ATP13A3: variants seen among roughly 807,000 people sequenced by gnomAD.
ATP13A3 encodes ATPase 13A3.
ATP13A3 carries 59 observed loss-of-function variants against 158.1 expected under a neutral mutation model. That is an observed-to-expected ratio of 0.37 (90% CI 0.30 to 0.46). The LOEUF (loss-of-function observed/expected upper bound fraction) is 0.46, where lower values mean the gene tolerates loss of function less well. Ranked by LOEUF, ATP13A3 falls within the 20% of genes least tolerant of loss-of-function variation. The probability of loss-of-function intolerance (pLI) is 1.00; values close to 1 mark genes in which losing one functional copy is unlikely to be tolerated. For missense variants in ATP13A3, 1,166 were observed against 1,525.2 expected (o/e 0.76, Z 3.92); for synonymous variants, 491 against 504.3 (o/e 0.97, Z 0.35).
At chr3:194,471,324 TAAAAAAA>T (rs59967046) in intron 2 of ATP13A3, among the ~76,000 whole-genome samples, 5 of 88,106 alleles carry the variant, frequency 5.7e-5, no homozygotes, top group South Asian at 4.1e-4. Flanking sequence ...CAGCAAATTC[TAAAAAAA>T]AAAAAAAAAA....
At chr3:194,461,279 T>A (rs1005012572) in intron 3 of ATP13A3, among the ~76,000 whole-genome samples, 1 of 152,188 alleles carries the variant, frequency 6.6e-6, no homozygotes, top group Non-Finnish European at 1.5e-5. Flanking sequence ...GTACATCCTT[T>A]GTGCAGTTTC....
chr3:194,439,283 T>C (rs1717878611), intron 16 of ATP13A3, among the ~76,000 whole-genome samples: 2 of 152,202 alleles, frequency 1.3e-5, no homozygotes, highest in African/African-American at 4.8e-5. Context: ...GTTTAGAGAC[T>C]AGCTCTGCAA....
At chr3:194,480,343 T>TAA (rs1464003009) in intron 2 of ATP13A3, among the ~76,000 whole-genome samples, 1 of 152,208 alleles carries the variant, frequency 6.6e-6, no homozygotes, top group Non-Finnish European at 1.5e-5. Context: ...ATAAGACTGT[T>TAA]AAGTTTTTAG....
chr3:194,436,125 A>AT (rs556566131), intron 20 of ATP13A3, among the ~76,000 whole-genome samples: 14 of 146,674 alleles, frequency 9.5e-5, no homozygotes, highest in East Asian at 5.9e-4. Context: ...GAGGTTTTTC[A>AT]TTTTTTTTTT....
intron 2 of ATP13A3, among the ~76,000 whole-genome samples, chr3:194,475,001 C>T (rs1238652180): frequency 6.6e-6 from 1 of 151,564 alleles, no homozygotes; most frequent in Non-Finnish European, 1.5e-5. Flanking sequence ...CAAAAAGTAA[C>T]GTTCTGCATA....
upstream of ATP13A3, chr3:194,487,707 C>A (rs1721065991): frequency 6.6e-6 from 1 of 152,260 alleles, no homozygotes; most frequent in Non-Finnish European, 1.5e-5. Flanking sequence ...GTTTGATTTT[C>A]GCTGCGTCCT....
chr3:194,439,929 T>C, intron 16 of ATP13A3, among the ~76,000 whole-genome samples: 1 of 152,214 alleles, frequency 6.6e-6, no homozygotes, highest in Admixed American at 6.5e-5. Flanking sequence ...ATTTTTGTTA[T>C]TCTCTCTATA....
upstream of ATP13A3, chr3:194,487,107 AT>A (rs1236256645): frequency 1.3e-5 from 2 of 151,724 alleles, no homozygotes; most frequent in Non-Finnish European, 2.9e-5. Flanking sequence ...GGGCGGGGCG[AT>A]TTATAGGCCC....
intron 10 of ATP13A3, chr3:194,451,154 CTT>C (rs970856037): frequency 1.3e-5 from 2 of 151,826 alleles, no homozygotes; most frequent in South Asian, 2.1e-4. Flanking sequence ...GACAAACACT[CTT>C]TCTTTCCTTT....
intron 2 of ATP13A3, among the ~76,000 whole-genome samples, chr3:194,492,270 C>A (rs529238747): frequency 2.0e-5 from 3 of 152,204 alleles, no homozygotes; most frequent in African/African-American, 7.2e-5. Flanking sequence ...TATTCTTTCC[C>A]TTCCCTTTTT....
intron 17 of ATP13A3, among the ~76,000 whole-genome samples, chr3:194,438,331 A>G (rs925623474): frequency 6.6e-6 from 1 of 152,210 alleles, no homozygotes; most frequent in African/African-American, 2.4e-5. Context: ...CAGGTAACTT[A>G]AAAAATAGTA....
At chr3:194,492,419 G>T (rs1483138591) in intron 2 of ATP13A3, among the ~76,000 whole-genome samples, 4 of 151,448 alleles carry the variant, frequency 2.6e-5, no homozygotes, top group African/African-American at 9.7e-5. Context: ...GGATAAAAGG[G>T]TATAGTATTT....
In ATP13A3 at chr3:194,405,657, T is replaced by C. The variant is rs1714880259; in HGVS notation, c.*262A>G. 5.2e-6 allele frequency: 2 copies of C among 381,422 alleles called. No individual in the cohort carries two copies. The highest frequency in any genetic ancestry group is 3.5e-5 in the South Asian group (1 of 28,506). The allele number at this position is 381,422 out of a possible 1,614,324, so 23.6% of individuals were successfully genotyped here. ...TAAAGAATATCACTGAAAGTAACAA[T>C]CAAGAAAATTCTGGAAATGTATGTA... On this transcript the variant is annotated 3_prime_UTR_variant, in exon 34 of 34. Transcript: ENST00000645319.
chr3:194,473,535 G>C (rs1577091202), intron 2 of ATP13A3, among the ~76,000 whole-genome samples: 1 of 151,176 alleles, frequency 6.6e-6, no homozygotes, highest in South Asian at 2.1e-4. Context: ...GGTCTTAGGA[G>C]TGAATCTGTC....
At chr3:194,438,429 T>C (rs1717815695) in intron 17 of ATP13A3, among the ~76,000 whole-genome samples, 1 of 152,146 alleles carries the variant, frequency 6.6e-6, no homozygotes, top group African/African-American at 2.4e-5. Context: ...GGAATACAGA[T>C]GCAATTTAAG....
intron 18 of ATP13A3, 24 bp downstream of exon 18, chr3:194,437,528 TAGTA>T (rs1717739681): frequency 2.5e-6 from 4 of 1,611,404 alleles, no homozygotes; most frequent in Non-Finnish European, 2.5e-6. Context: ...CAAATATACT[TAGTA>T]AGAAGTAAAC....
chr3:194,455,071 C>T (rs1396704402), intron 8 of ATP13A3, among the ~76,000 whole-genome samples: 5 of 152,192 alleles, frequency 3.3e-5, no homozygotes, highest in South Asian at 4.1e-4. Flanking sequence ...AAACTTTTAA[C>T]GAAATTGAAA....
chr3:194,447,558 A>C (rs945405076), intron 13 of ATP13A3, among the ~76,000 whole-genome samples: 4 of 151,316 alleles, frequency 2.6e-5, no homozygotes, highest in Admixed American at 2.6e-4. Flanking sequence ...TTTGGTGATT[A>C]TGTGGGGGGG....
In ATP13A3 at chr3:194,448,127, G is replaced by T; in HGVS notation, c.1151-118C>A. 9.9e-7 allele frequency: 1 copy of T among 1,006,502 alleles called. No individual in the cohort carries two copies. The highest frequency in any genetic ancestry group is 1.5e-6 in the Non-Finnish European group (1 of 674,440). The allele number at this position is 1,006,502 out of a possible 1,614,324, so 62.3% of individuals were successfully genotyped here. ...GAGTCTCGCTCTGTCACCCAGGCTG[G>T]AGTACAGTGGTGTGATCTCGACTCA... is the stretch of plus-strand genomic sequence containing the variant. On this transcript the variant is annotated intron_variant, in intron 12 of 33. Transcript: ENST00000645319. This position sits in a 1 kb window ranked among gnomAD's most constrained non-coding sequence, Gnocchi z 4.0.
Sources: allele counts gnomAD v4.1 joint callset (sites outside exome capture counted in the v4.1 genomes callset), GRCh38; gene constraint gnomAD v4.1.1; non-coding constraint Gnocchi (gnomAD v3.1); transcripts MANE v1.5; gene names NCBI Gene and HGNC (gene_info 2026-07-23, HGNC 2026-07-21).